The following COL14A1 variants were observed in gnomAD, a reference collection of about 807,000 sequenced individuals.
The protein encoded by COL14A1 is collagen alpha-1(XIV) chain.
COL14A1 carries 136 observed loss-of-function variants against 230.3 expected under a neutral mutation model. The ratio of observed to expected loss-of-function variants is 0.59; its 90% CI spans 0.51 to 0.68. The LOEUF is 0.68. Among genes scored for constraint, COL14A1 ranks in the 30% least tolerant of loss-of-function variants. The pLI is 0.00. For missense variants in COL14A1, 1,976 were observed against 2,215.8 expected (o/e 0.89, Z 2.17); for synonymous variants, 792 against 784.1 (o/e 1.01, Z -0.17).
At chr8:120,313,412 C>A (rs1052068469) in intron 37 of COL14A1, among the ~76,000 whole-genome samples, 5 of 152,212 alleles carry the variant, frequency 3.3e-5, no homozygotes, top group South Asian at 2.1e-4. Flanking sequence ...GAGGGAAGGT[C>A]ATTCAGTGGA....
intron 5 of COL14A1, among the ~76,000 whole-genome samples, chr8:120,196,196 C>CA (rs1418452923): frequency 6.6e-6 from 1 of 152,134 alleles, no homozygotes; most frequent in Non-Finnish European, 1.5e-5. Flanking sequence ...ACATAATATG[C>CA]AAAAAACATT....
chr8:120,372,309 A>C lies in COL14A1; in HGVS notation c.*1078A>C, dbSNP rs139715593. Reference sequence around the variant, plus strand: ...TGCAAATGCATGACCTCTGCTAAATAAATGTTTATCAATAGTTGACTGAGG... The same window carrying C: ...TGCAAATGCATGACCTCTGCTAAATCAATGTTTATCAATAGTTGACTGAGG... On this transcript the variant is annotated 3_prime_UTR_variant, in exon 48 of 48. Coordinates refer to ENST00000297848, the MANE Select transcript of COL14A1 (RefSeq NM_021110.4). Among the ~76,000 whole-genome samples, 293 of 152,312 alleles carry C rather than the reference A, an allele frequency of 1.9e-3. No homozygotes were observed. Among genetic ancestry groups the C allele is most frequent in the Non-Finnish European group, 3.3e-3 (226 of 68,028 alleles).
rs1486450494 is a variant in COL14A1, at chr8:120,265,192, G to A, written c.3017-1635G>A. On this transcript the variant is annotated intron_variant, in intron 24 of 47. Coordinates refer to ENST00000297848, the MANE Select transcript of COL14A1 (RefSeq NM_021110.4). ...TCTTACCCAAGAGATTCTTTAGCCA[G>A]ATGTTCTGCCCAATCGTATTAATCT... 2.6e-5 allele frequency among the ~76,000 whole-genome samples: 4 copies of A among 152,194 alleles called. No homozygotes were observed. In the South Asian group the frequency reaches 6.2e-4, roughly 24 times the overall value.
intron 40 of COL14A1, among the ~76,000 whole-genome samples, chr8:120,326,871 CA>C (rs1821688324): frequency 6.6e-6 from 1 of 151,926 alleles, no homozygotes; most frequent in South Asian, 2.1e-4. Context: ...ACAAAAAATA[CA>C]AAAATTAGCC....
intron 8 of COL14A1, among the ~76,000 whole-genome samples, chr8:120,200,765 A>ATATATG (rs1563668143): frequency 1.1e-4 from 10 of 92,150 alleles, no homozygotes; most frequent in African/African-American, 4.1e-4. Context: ...ATATATATAT[A>ATATATG]TTATTTTTCA....
At chr8:120,238,360 G>A (rs781279781) in intron 19 of COL14A1, among the ~76,000 whole-genome samples, 2 of 152,084 alleles carry the variant, frequency 1.3e-5, no homozygotes, top group Admixed American at 6.6e-5. Flanking sequence ...GTGGTGCTGC[G>A]GTAGGCTCTG....
intron 37 of COL14A1, among the ~76,000 whole-genome samples, chr8:120,311,565 C>T (rs909513695): frequency 1.3e-5 from 2 of 152,134 alleles, no homozygotes; most frequent in Admixed American, 1.3e-4. Flanking sequence ...TCTTATTGGA[C>T]AAAGGACGTT....
chr8:120,184,332 G>T (rs979650378), intron 5 of COL14A1, among the ~76,000 whole-genome samples: 1 of 151,348 alleles, frequency 6.6e-6, no homozygotes, highest in Non-Finnish European at 1.5e-5. Flanking sequence ...TTTGCTCACC[G>T]CAACCTCTGC....
chr8:120,202,245 A>G (rs1817272475), intron 8 of COL14A1, among the ~76,000 whole-genome samples: 1 of 152,222 alleles, frequency 6.6e-6, no homozygotes, highest in East Asian at 1.9e-4. Context: ...AAATTCATCC[A>G]GATGTGATTT....
rs868132078 is a variant in COL14A1, at chr8:120,278,511, C to T, written c.3414C>T (p.Ile1138=). 7.4e-6 allele frequency: 12 copies of T among 1,612,874 alleles called. No homozygotes were observed. The highest frequency in any genetic ancestry group is 6.7e-5 in the Admixed American group (4 of 59,828). The change falls in exon 28 of 48, where the codon ATC becomes ATT. Residue 1138 remains isoleucine (I), a synonymous_variant. Transcript: ENST00000297848. ...CAAGAAGGGGCATCCCAAAGGTTAT[C>T]GTGGTTATAACTGATGGAAGATCAC... ...SGTRRGIPKV[I]VVITDGRSQD...
chr8:120,311,173 G>A (rs565654387), intron 37 of COL14A1, among the ~76,000 whole-genome samples: 1 of 152,024 alleles, frequency 6.6e-6, no homozygotes, highest in Non-Finnish European at 1.5e-5. Flanking sequence ...TGTTTATTTT[G>A]TTTGGTGGGA....
chr8:120,269,709 A>T (rs896180927), intron 25 of COL14A1, among the ~76,000 whole-genome samples: 2 of 151,604 alleles, frequency 1.3e-5, no homozygotes, highest in African/African-American at 4.8e-5. Flanking sequence ...TGATACTTCG[A>T]TCTCTGAATC....
At chr8:120,342,512 T>C in intron 44 of COL14A1, 66 bp downstream of exon 44, 4 of 1,488,556 alleles carry the variant, frequency 2.7e-6, no homozygotes, top group Non-Finnish European at 3.7e-6. Flanking sequence ...AGAGTTTCTT[T>C]TCCCATGAGC....
chr8:120,162,640 A>G, intron 4 of COL14A1, 71 bp downstream of exon 4: 1 of 1,310,502 alleles, frequency 7.6e-7, no homozygotes, highest in African/African-American at 1.5e-5. Flanking sequence ...TCTGTGATAT[A>G]TATTCTACAA....
At chr8:120,370,182 A>G (rs1823538383) in intron 47 of COL14A1, among the ~76,000 whole-genome samples, 1 of 152,192 alleles carries the variant, frequency 6.6e-6, no homozygotes, top group African/African-American at 2.4e-5. Context: ...CTGTGGGGCC[A>G]TGAACTTACT....
chr8:120,282,919 C>T (rs2129915622), intron 31 of COL14A1, among the ~76,000 whole-genome samples: 1 of 152,226 alleles, frequency 6.6e-6, no homozygotes, highest in East Asian at 1.9e-4. Flanking sequence ...TAAAAGCCTC[C>T]ACCCACCCAG....
chr8:120,345,266 TG>T (rs1563749494), intron 44 of COL14A1, 108 bp from the exon 45 acceptor site: 5 of 972,498 alleles, frequency 5.1e-6, no homozygotes, highest in Non-Finnish European at 6.0e-6. Flanking sequence ...ATTTTTCCCT[TG>T]GTGGGTATCT....
rs767936981 is a variant in COL14A1 at position 120,297,573 on chromosome 8, T to A, written c.4299T>A (p.Cys1433Ter). 1 of 1,416,120 alleles carries A rather than the reference T, an allele frequency of 7.1e-7. No individual in the cohort carries two copies. Among genetic ancestry groups the A allele is most frequent in the South Asian group, 2.0e-5 (1 of 49,694 alleles). The allele number at this position is 1,416,120 out of a possible 1,614,324, so 87.7% of individuals were successfully genotyped here. The change falls in exon 35 of 48, where the codon TGT (cysteine) becomes TGA (stop). Residue 1433 changes from cysteine (C) to a stop codon, truncating the protein, a stop_gained. Coordinates refer to ENST00000297848, the MANE Select transcript of COL14A1 (RefSeq NM_021110.4). LOFTEE classifies it high-confidence loss of function. ...CATGGGCCAATACAGACAAATGCTG[T>A]GAACTTCCAGGCCTGGTAAGAATTC... is the stretch of plus-strand genomic sequence containing the variant. The part of the protein sequence containing the change: ...STSWANTDKC[C>*]ELPGLRDDES...
chr8:120,156,987 A>G (rs998461653), intron 2 of COL14A1, among the ~76,000 whole-genome samples: 1 of 152,154 alleles, frequency 6.6e-6, no homozygotes, highest in Non-Finnish European at 1.5e-5. Context: ...AAAAAGGCTA[A>G]CTTTTCCATG....
Sources: gnomAD v4.1 joint callset for allele counts (sites outside exome capture counted in the v4.1 genomes callset) on GRCh38, gnomAD v4.1.1 for gene constraint, MANE v1.5 for transcripts, NCBI Gene and HGNC (gene_info 2026-07-23, HGNC 2026-07-21) for gene names.